The following DRG1 variants were observed in gnomAD, a reference collection of about 807,000 sequenced individuals.
The protein encoded by DRG1 is developmentally-regulated GTP-binding protein 1.
A neutral mutation model predicts 38.8 loss-of-function variants in DRG1; 19 were observed. The observed-to-expected ratio is 0.49, with a 90% confidence interval of 0.34 to 0.72. DRG1 has a LOEUF of 0.72. Ranked by LOEUF, DRG1 falls within the 30% of genes least tolerant of loss-of-function variation. The pLI, the probability that DRG1 is intolerant of heterozygous loss-of-function variation, is 0.01. For missense variants in DRG1, 299 were observed against 444.8 expected (o/e 0.67, Z 2.95); for synonymous variants, 167 against 157.5 (o/e 1.06, Z -0.45).
At chr22:31,428,497 G>A (rs1283889207) in intron 8 of DRG1, among the ~76,000 whole-genome samples, 2 of 152,226 alleles carry the variant, frequency 1.3e-5, no homozygotes, top group Non-Finnish European at 2.9e-5. Flanking sequence ...ACAGGCGTGA[G>A]CCACTGCGCC....
At chr22:31,420,452 G>C (rs1460895247) in intron 5 of DRG1, 27 bp downstream of exon 5, 2 of 1,613,034 alleles carry the variant, frequency 1.2e-6, no homozygotes, top group African/African-American at 2.7e-5. Context: ...ACATGGGGCA[G>C]GCTGCTGCAG....
intron 8 of DRG1, 127 bp downstream of exon 8, chr22:31,427,309 A>G (rs1354880851): frequency 1.6e-6 from 2 of 1,235,534 alleles, no homozygotes; most frequent in Non-Finnish European, 1.1e-6. Flanking sequence ...TTGCTTGGCT[A>G]GAACTCTGCA....
rs149136432 is a variant in DRG1 at position 31,415,042 on chromosome 22, G to T, written c.412+3961G>T. On this transcript the variant is annotated intron_variant, in intron 4 of 8. Coordinates refer to ENST00000331457, the MANE Select transcript of DRG1 (RefSeq NM_004147.4). ...CTCTCTCTTCTCAGCTTCCCGAGTA[G>T]CTGGGACTGCTGGCATGTACGACCA... Among the ~76,000 whole-genome samples, 18 of 152,256 alleles carry T rather than the reference G, an allele frequency of 1.2e-4. No individual in the cohort carries two copies. In the East Asian group the frequency reaches 3.5e-3, roughly 29 times the overall value.
chr22:31,410,282 C>G (rs1601526830), intron 3 of DRG1, among the ~76,000 whole-genome samples: 1 of 151,724 alleles, frequency 6.6e-6, no homozygotes, highest in African/African-American at 2.4e-5. Context: ...TGGTGAAACC[C>G]CGTCCCTACT....
At chr22:31,431,035 C>CCCCT (rs2050136481) in intron 8 of DRG1, among the ~76,000 whole-genome samples, 2 of 56,762 alleles carry the variant, frequency 3.5e-5, no homozygotes, top group African/African-American at 6.7e-5. Flanking sequence ...CCCCCCCCCG[C>CCCCT]TTTTTTTTTT....
Position 31,403,221 on chromosome 22 carries a change from G to T in DRG1, c.342+17G>T, listed in dbSNP as rs764362243. The T allele has an allele frequency of 5.7e-6, 9 of 1,585,376 alleles. No homozygotes were observed. In the East Asian group the frequency reaches 2.0e-4, roughly 36 times the overall value. ...AAGATCCAGGTGAGTCAAGCCTGCA[G>T]ACTAAGGAAGGAAAGAAATCTATTC... On this transcript the variant is annotated intron_variant, in intron 3 of 8. Transcript: ENST00000331457.
At chr22:31,426,920 A>G in intron 7 of DRG1, 138 bp downstream of exon 7, 1 of 1,485,698 alleles carries the variant, frequency 6.7e-7, no homozygotes, top group East Asian at 2.3e-5. Flanking sequence ...CTACTAGGTC[A>G]TTAGGTCATA....
chr22:31,409,394 A>G (rs2050006547), intron 3 of DRG1, among the ~76,000 whole-genome samples: 1 of 152,062 alleles, frequency 6.6e-6, no homozygotes, highest in African/African-American at 2.4e-5. Flanking sequence ...CAGCCTGAGC[A>G]GTCATTTTTT....
chr22:31,432,469 A>C (rs924276738), intron 8 of DRG1, among the ~76,000 whole-genome samples: 2 of 148,738 alleles, frequency 1.3e-5, no homozygotes, highest in African/African-American at 2.5e-5. Context: ...TCAGTCGCCC[A>C]GGCTGGAGTG....
intron 6 of DRG1, among the ~76,000 whole-genome samples, chr22:31,424,084 G>A (rs1234193986): frequency 6.6e-6 from 1 of 151,516 alleles, no homozygotes; most frequent in Non-Finnish European, 1.5e-5. Context: ...GGCTGGTTTC[G>A]AACTCCTGAC....
chr22:31,425,311 G>C (rs2050103794), intron 6 of DRG1, among the ~76,000 whole-genome samples: 1 of 152,070 alleles, frequency 6.6e-6, no homozygotes, highest in Admixed American at 6.6e-5. Context: ...AGGTCAGTCT[G>C]CTCTTCCAGA....
chr22:31,433,821 C>T (rs2050156152), intron 8 of DRG1, 51 bp from the exon 9 acceptor site: 1 of 1,553,978 alleles, frequency 6.4e-7, no homozygotes, highest in East Asian at 2.2e-5. Flanking sequence ...GCAAATAGGG[C>T]AGAAGCTAGG....
chr22:31,402,505 C>CTTTTT (rs66506650), intron 2 of DRG1, among the ~76,000 whole-genome samples: 2 of 104,740 alleles, frequency 1.9e-5, no homozygotes, highest in Admixed American at 2.4e-4. Context: ...TGGGCTGTAC[C>CTTTTT]TTTTTTTTTT....
Position 31,399,651 on chromosome 22 carries a change from A to G in DRG1, c.-33A>G. On this transcript the variant is annotated 5_prime_UTR_variant, in exon 1 of 9. Transcript: ENST00000331457. ...AGTTTGCCCGCGGGTGTGTGAAGGG[A>G]GACAGTGTGGAGGCCACAGGGTACT... is the stretch of plus-strand genomic sequence containing the variant. 2 of 1,613,932 alleles carry G rather than the reference A, an allele frequency of 1.2e-6. No individual in the cohort carries two copies. Among genetic ancestry groups the G allele is most frequent in the Non-Finnish European group, 1.7e-6 (2 of 1,179,840 alleles).
At chr22:31,432,781 G>A (rs1459959385) in intron 8 of DRG1, among the ~76,000 whole-genome samples, 1 of 151,902 alleles carries the variant, frequency 6.6e-6, no homozygotes, top group Admixed American at 6.6e-5. Context: ...TGCTGGTCTC[G>A]AACTCCTGAC....
At chr22:31,406,301 C>T (rs1282346811) in intron 3 of DRG1, among the ~76,000 whole-genome samples, 1 of 152,132 alleles carries the variant, frequency 6.6e-6, no homozygotes, top group South Asian at 2.1e-4. Context: ...CGCTTGGCCA[C>T]TTACCTGCTT....
chr22:31,429,665 T>A (rs1250121721), intron 8 of DRG1, among the ~76,000 whole-genome samples: 1 of 151,970 alleles, frequency 6.6e-6, no homozygotes, highest in Non-Finnish European at 1.5e-5. Context: ...TTTTTTTTTT[T>A]TGAGACACGG....
At chr22:31,432,175 C>T (rs1334052589) in intron 8 of DRG1, among the ~76,000 whole-genome samples, 1 of 151,590 alleles carries the variant, frequency 6.6e-6, no homozygotes, top group Non-Finnish European at 1.5e-5. Flanking sequence ...CTCCTGGGCT[C>T]AAGCGATCCT....
chr22:31,424,712 G>A (rs1365598658), intron 6 of DRG1, among the ~76,000 whole-genome samples: 2 of 148,710 alleles, frequency 1.3e-5, no homozygotes, highest in South Asian at 4.3e-4. Flanking sequence ...GGCCAGGCTG[G>A]TCTTGAACTC....
Sources: gnomAD v4.1 joint callset for allele counts (sites outside exome capture counted in the v4.1 genomes callset) on GRCh38, gnomAD v4.1.1 for gene constraint, MANE v1.5 for transcripts, NCBI Gene and HGNC (gene_info 2026-07-23, HGNC 2026-07-21) for gene names.